The following SOX6 variants were observed in gnomAD, a reference collection of about 807,000 sequenced individuals.
SOX6 encodes the protein SRY-box transcription factor 6.
A neutral mutation model predicts 97.8 loss-of-function variants in SOX6; 11 were observed. The ratio of observed to expected loss-of-function variants is 0.11; its 90% CI spans 0.07 to 0.19. The LOEUF (loss-of-function observed/expected upper bound fraction) is 0.19. Ranked by LOEUF, SOX6 falls within the 10% of genes least tolerant of loss-of-function variation. The pLI, the probability that SOX6 is intolerant of heterozygous loss-of-function variation, is 1.00. For missense variants in SOX6, 810 were observed against 1,039.5 expected, an observed-to-expected ratio of 0.78 and a Z score of 3.04; for synonymous variants, 360 against 371.4, an observed-to-expected ratio of 0.97 and a Z score of 0.35.
chr11:16,402,877 C>CTCAGTTGGGCTGAAT, intron 1 of SOX6: 1 of 1,523,146 alleles, frequency 6.6e-7, no homozygotes. Context: ...TAAAACTACA[C>CTCAGTTGGGCTGAAT]TCAGTTGGGC....
chr11:16,493,322 G>T (rs1320602197), intron 4 of SOX6, among the ~76,000 whole-genome samples: 1 of 152,058 alleles, frequency 6.6e-6, no homozygotes, highest in Admixed American at 6.6e-5. Context: ...GAAATGAAAG[G>T]ATCCAGAAAC....
At chr11:16,565,517 A>C (rs1225312042) in intron 4 of SOX6, among the ~76,000 whole-genome samples, 1 of 152,122 alleles carries the variant, frequency 6.6e-6, no homozygotes, top group African/African-American at 2.4e-5. Context: ...TTCAGACCAA[A>C]ACTCCTCATG....
chr11:16,166,274 T>G (rs1207003733), intron 6 of SOX6, among the ~76,000 whole-genome samples: 2 of 152,218 alleles, frequency 1.3e-5, no homozygotes, highest in African/African-American at 4.8e-5. Flanking sequence ...TTGGATAGAC[T>G]TTACCTCAGT....
chr11:16,061,171 A>G (rs1847941850), intron 9 of SOX6, among the ~76,000 whole-genome samples: 1 of 151,686 alleles, frequency 6.6e-6, no homozygotes, highest in African/African-American at 2.4e-5. Flanking sequence ...CTTTTGAAGT[A>G]GTTTGCTAAA....
chr11:16,185,372 T>C (rs564002832), intron 5 of SOX6, among the ~76,000 whole-genome samples: 2 of 152,312 alleles, frequency 1.3e-5, no homozygotes, highest in Admixed American at 1.3e-4. Flanking sequence ...TATTTATTTC[T>C]TCTTAGCAAA....
intron 4 of SOX6, among the ~76,000 whole-genome samples, chr11:16,511,534 T>C (rs1181883731): frequency 1.3e-5 from 2 of 152,152 alleles, no homozygotes; most frequent in Non-Finnish European, 2.9e-5. Flanking sequence ...TTGTTTTTTT[T>C]AATGTAGTAC....
intron 1 of SOX6, among the ~76,000 whole-genome samples, chr11:16,410,539 T>C (rs978000977): frequency 1.3e-5 from 2 of 152,044 alleles, no homozygotes; most frequent in Non-Finnish European, 2.9e-5. Context: ...GGAAGATTGC[T>C]TGAGCCCAGG....
chr11:16,098,335 T>C (rs1363635121), intron 7 of SOX6, among the ~76,000 whole-genome samples: 2 of 151,834 alleles, frequency 1.3e-5, no homozygotes, highest in Non-Finnish European at 1.5e-5. Flanking sequence ...TACTAAGCAC[T>C]TATCAAACAT....
intron 4 of SOX6, among the ~76,000 whole-genome samples, chr11:16,543,416 ATC>A (rs758584020): frequency 4.5e-4 from 69 of 151,928 alleles, no homozygotes; most frequent in Admixed American, 2.4e-3. Flanking sequence ...AAAAAAAAAA[ATC>A]ATCTTCATTT....
At chr11:16,059,361 G>A (rs552610842) in intron 9 of SOX6, among the ~76,000 whole-genome samples, 2 of 151,798 alleles carry the variant, frequency 1.3e-5, no homozygotes, top group East Asian at 3.9e-4. Flanking sequence ...TACCTTGATG[G>A]TCACATTTCT....
At chr11:16,662,188 G>T (rs1261180286) in intron 3 of SOX6, among the ~76,000 whole-genome samples, 2 of 152,030 alleles carry the variant, frequency 1.3e-5, no homozygotes, top group Non-Finnish European at 2.9e-5. Context: ...GAAATTTCTT[G>T]CAAAGCAGAT....
At chr11:16,034,305 T>C (rs1855460665) in intron 12 of SOX6, among the ~76,000 whole-genome samples, 1 of 152,186 alleles carries the variant, frequency 6.6e-6, no homozygotes, top group Non-Finnish European at 1.5e-5. Flanking sequence ...TTTGTGTTAT[T>C]TCAGAACCAA....
intron 1 of SOX6, among the ~76,000 whole-genome samples, chr11:16,455,465 C>T (rs984335864): frequency 2.0e-5 from 3 of 152,022 alleles, no homozygotes; most frequent in East Asian, 1.9e-4. Flanking sequence ...TACTCTTCAA[C>T]GCAGAAAATC....
intron 4 of SOX6, among the ~76,000 whole-genome samples, chr11:16,537,402 C>T (rs1301381914): frequency 6.6e-6 from 1 of 152,014 alleles, no homozygotes; most frequent in Non-Finnish European, 1.5e-5. Flanking sequence ...CTCCAAAAAC[C>T]AGAGCACTTC....
chr11:15,991,611 A>T (rs962623213), intron 13 of SOX6, among the ~76,000 whole-genome samples: 1 of 152,268 alleles, frequency 6.6e-6, no homozygotes, highest in Non-Finnish European at 1.5e-5. Flanking sequence ...GCTATGCCAC[A>T]GGTGATTAAC....
intron 6 of SOX6, among the ~76,000 whole-genome samples, chr11:16,170,190 C>A (rs1031632877): frequency 6.6e-6 from 1 of 151,980 alleles, no homozygotes; most frequent in Admixed American, 6.6e-5. Flanking sequence ...GTCCCTGGGG[C>A]CTGTTCAGCT....
At chr11:16,604,538 C>T (rs1293836756) in intron 4 of SOX6, among the ~76,000 whole-genome samples, 2 of 152,198 alleles carry the variant, frequency 1.3e-5, no homozygotes, top group Non-Finnish European at 2.9e-5. Context: ...AGCACCGGCG[C>T]CCGGGACGCG....
intron 7 of SOX6, 43 bp from the exon 8 acceptor site, chr11:16,097,731 G>C (rs756043934): frequency 1.3e-6 from 2 of 1,542,220 alleles, no homozygotes; most frequent in Non-Finnish European, 1.8e-6. Context: ...CAATGCACAG[G>C]GAATTGCAGC....
In SOX6 at chr11:15,972,490, GA is replaced by G. The variant is rs879106498; in HGVS notation, c.*318del. On this transcript the variant is annotated 3_prime_UTR_variant, in exon 16 of 16. Transcript: ENST00000683767. ...CTTAAACCTTTATCAACATCCAAAA[GA>G]AAAAAAAAGTAAGACAAAAATATAA... is the stretch of plus-strand genomic sequence containing the variant. 235 of 344,674 alleles carry G rather than the reference GA, an allele frequency of 6.8e-4. No individual in the cohort carries two copies. Among genetic ancestry groups the G allele is most frequent in the East Asian group, 6.3e-3 (98 of 15,618 alleles). The allele number at this position is 344,674 out of a possible 1,614,324, so 21.4% of individuals were successfully genotyped here. A position where few individuals can be genotyped will look rare whatever the true frequency, so the allele number is the denominator to read the frequency against.
Sources: allele counts gnomAD v4.1 joint callset (sites outside exome capture counted in the v4.1 genomes callset), GRCh38; gene constraint gnomAD v4.1.1; transcripts MANE v1.5; gene names NCBI Gene and HGNC (gene_info 2026-07-23, HGNC 2026-07-21).